Variants in DOCK5 observed in about 807,000 individuals in gnomAD.
DOCK5 encodes the protein dedicator of cytokinesis protein 5.
Under a neutral mutation model 251.8 loss-of-function variants are expected in DOCK5, and 142 were observed. The observed-to-expected ratio is 0.56, with a 90% CI of 0.49 to 0.65. DOCK5 has a LOEUF of 0.65. Ranked by LOEUF, DOCK5 falls within the 30% of genes least tolerant of loss-of-function variation. DOCK5 has a pLI of 0.00. For synonymous variants in DOCK5, 842 were observed against 835.5 expected (o/e 1.01, Z -0.13); for missense variants, 2,111 against 2,312.3 (o/e 0.91, Z 1.79).
intron 1 of DOCK5, among the ~76,000 whole-genome samples, chr8:25,235,413 A>T (rs1425238962): frequency 6.6e-6 from 1 of 152,036 alleles, no homozygotes; most frequent in Non-Finnish European, 1.5e-5. Context: ...GGCACACACC[A>T]TTATGCCTGG....
At chr8:25,242,378 T>C (rs1354470779) in intron 1 of DOCK5, among the ~76,000 whole-genome samples, 1 of 152,206 alleles carries the variant, frequency 6.6e-6, no homozygotes, top group African/African-American at 2.4e-5. Flanking sequence ...TGTTTAACTT[T>C]TTGAGAAGTT....
At chr8:25,279,489 C>T (rs778717142) in intron 5 of DOCK5, among the ~76,000 whole-genome samples, 85 of 149,928 alleles carry the variant, frequency 5.7e-4, no homozygotes, top group African/African-American at 1.8e-3. Flanking sequence ...TTTTTTGAGA[C>T]GGAGTCTCAC....
At position 25,380,337 on chromosome 8, in the gene DOCK5, GT is replaced by G; in HGVS notation, c.3971del (p.Leu1324TrpfsTer19). ...AGAAGGCCATCAAGCTGAGCAAAGAGTTGGCTGAGACTTACGAAAGCAAAGT... is the reference window on the plus strand; with the variant it reads ...AGAAGGCCATCAAGCTGAGCAAAGAGTGGCTGAGACTTACGAAAGCAAAGT... ...WEKAIKLSKE[L>X]AETYESKVFD... On this transcript the variant is annotated frameshift_variant, in exon 39 of 52. Coordinates refer to ENST00000276440, the MANE Select transcript of DOCK5 (RefSeq NM_024940.8). LOFTEE classifies it high-confidence loss of function. 1 of 1,612,284 alleles carries G rather than the reference GT, an allele frequency of 6.2e-7. No individual in the cohort carries two copies. The highest frequency in any genetic ancestry group is 8.5e-7 in the Non-Finnish European group (1 of 1,179,158).
At chr8:25,222,210 T>G (rs1802409812) in intron 1 of DOCK5, among the ~76,000 whole-genome samples, 1 of 152,198 alleles carries the variant, frequency 6.6e-6, no homozygotes, top group Admixed American at 6.5e-5. Context: ...ATGCTTTGGT[T>G]TGCTTTCTAG....
chr8:25,389,230 A>C lies in DOCK5; in HGVS notation c.4271A>C (p.Gln1424Pro), dbSNP rs1487437990. ...GAAGACATCAAGTCGTCCCCCAAGC[A>C]GTGTATCCTTTCCGGGGGGAGTATG... ...PGEDIKSSPK[Q>P]YMQCFTVKPV... The change falls in exon 41 of 52, where the codon CAG (glutamine) becomes CCG (proline). Residue 1424 changes from glutamine (Q) to proline (P), a missense_variant and splice_region_variant. Gln to Pro is a moderately conservative substitution (Grantham distance 76). Around this residue, in one of 3 missense-constraint regions of DOCK5, gnomAD observed 1,717 missense variants for 1,892.4 expected, o/e 0.91. Transcript: ENST00000276440. The C allele has an allele frequency of 3.7e-6, 6 of 1,613,114 alleles. No individual in the cohort carries two copies. Among genetic ancestry groups the C allele is most frequent in the Non-Finnish European group, 5.1e-6 (6 of 1,179,292 alleles).
At chr8:25,408,201 C>CA in intron 49 of DOCK5, 47 bp downstream of exon 49, 2 of 1,527,414 alleles carry the variant, frequency 1.3e-6, no homozygotes, top group Non-Finnish European at 1.8e-6. Context: ...GCTTGCCCCC[C>CA]TCTCCCCTGT....
rs776351917 is a variant in DOCK5 at position 25,407,980 on chromosome 8, T to C, written c.5094-3T>C. 334 of 1,609,460 alleles carry C rather than the reference T, an allele frequency of 2.1e-4. 2 individuals are homozygous for C. Among genetic ancestry groups the C allele is most frequent in the Non-Finnish European group, 2.8e-5 (33 of 1,178,192 alleles). On this transcript the variant is annotated splice_polypyrimidine_tract_variant and splice_region_variant and intron_variant, in intron 48 of 51. Transcript: ENST00000276440. ...GATGTTTGTCCTTGTTCCTGGCCAATAGCTCAATCTTGGAGCCACTTTTGG... is the reference window on the plus strand; with the variant it reads ...GATGTTTGTCCTTGTTCCTGGCCAACAGCTCAATCTTGGAGCCACTTTTGG...
intron 22 of DOCK5, among the ~76,000 whole-genome samples, chr8:25,338,394 C>T (rs1363692569): frequency 3.3e-5 from 5 of 152,018 alleles, no homozygotes; most frequent in Non-Finnish European, 7.4e-5. Flanking sequence ...TTTATTTTTT[C>T]ATTCTTTATG....
chr8:25,217,032 C>T (rs1446220831), intron 1 of DOCK5, among the ~76,000 whole-genome samples: 1 of 141,934 alleles, frequency 7.0e-6, no homozygotes, highest in Non-Finnish European at 1.5e-5. Context: ...TAGATGTATA[C>T]AATATGTGTA....
chr8:25,372,483 C>CCTGGTCAGTG (rs1320374188), intron 34 of DOCK5, 76 bp from the exon 35 acceptor site: 16 of 1,435,990 alleles, frequency 1.1e-5, no homozygotes, highest in South Asian at 1.6e-5. Flanking sequence ...CTGCTGAGAC[C>CCTGGTCAGTG]CTGGTCAGTG....
chr8:25,347,140 C>G (rs1049621189), intron 26 of DOCK5, among the ~76,000 whole-genome samples: 2 of 152,206 alleles, frequency 1.3e-5, no homozygotes, highest in African/African-American at 4.8e-5. Context: ...TACACCTTTT[C>G]CCATAGCTAA....
At chr8:25,323,972 C>T in intron 17 of DOCK5, 21 bp downstream of exon 17, 1 of 1,582,734 alleles carries the variant, frequency 6.3e-7, no homozygotes, top group Non-Finnish European at 8.6e-7. Flanking sequence ...CAGAAAATGG[C>T]TGAGAAAAAT....
intron 29 of DOCK5, 69 bp downstream of exon 29, chr8:25,363,210 A>C (rs1586363969): frequency 7.8e-7 from 1 of 1,283,588 alleles, no homozygotes; most frequent in East Asian, 2.3e-5. Context: ...GAACTTTGGG[A>C]AATGTCTTTA....
chr8:25,354,294 G>C (rs1364497535), intron 27 of DOCK5, among the ~76,000 whole-genome samples: 1 of 151,988 alleles, frequency 6.6e-6, no homozygotes, highest in African/African-American at 2.4e-5. Flanking sequence ...TTTAAGAAAA[G>C]ACAATGTACC....
rs112885829 is a variant in DOCK5, at chr8:25,191,350, A to G, written c.43+6399A>G. Reference sequence around the variant, plus strand: ...TGCCTATAGTGAAGTCAGACATTAAAGAGACTTCCAAATATGCAAAACAAA... The same window carrying G: ...TGCCTATAGTGAAGTCAGACATTAAGGAGACTTCCAAATATGCAAAACAAA... On this transcript the variant is annotated intron_variant, in intron 1 of 51. Transcript: ENST00000276440. Among the ~76,000 whole-genome samples, 368 of 152,358 alleles carry G rather than the reference A, an allele frequency of 2.4e-3. 1 individual carries two copies. The highest frequency in any genetic ancestry group is 8.5e-3 in the African/African-American group (353 of 41,582).
Position 25,278,572 on chromosome 8 carries a change from G to A in DOCK5, c.228G>A (p.Gln76=). 2 of 1,613,950 alleles carry A rather than the reference G, an allele frequency of 1.2e-6. No individual in the cohort carries two copies. The highest frequency in any genetic ancestry group is 8.5e-7 in the Non-Finnish European group (1 of 1,179,856). The part of the protein sequence containing the change: ...LKEATVEDLG[Q]HETVIPGELP... ...ACCCTCGTTTGGTTCTTTGTAGGCA[G>A]CATGAAACCGTGATTCCTGGCGAGC... The change falls in exon 5 of 52, where the codon CAG becomes CAA. Residue 76 remains glutamine, a synonymous_variant. Coordinates refer to ENST00000276440, the MANE Select transcript of DOCK5 (RefSeq NM_024940.8).
intron 1 of DOCK5, among the ~76,000 whole-genome samples, chr8:25,199,087 C>T (rs78279159): frequency 0.03 from 4,637 of 152,200 alleles, 99 homozygotes; most frequent in Non-Finnish European, 0.042. Flanking sequence ...TCCTTAGCAC[C>T]GTGGTATTGA....
At position 25,268,853 on chromosome 8, in the gene DOCK5, A is replaced by G; in HGVS notation, c.136A>G (p.Arg46Gly). ...CTCTTTTGCTCTGACAGGTTGGTAC[A>G]GAGGATATACCCTCCAAAATAAATC... ...HILEMYEGWY[R>G]GYTLQNKSKK... Residue 46 changes from arginine to glycine, a missense_variant, in exon 3 of 52, where the codon AGA becomes GGA. Arg to Gly is a moderately radical substitution (Grantham distance 125, BLOSUM62 -2). This residue lies in a region of DOCK5 where 335 missense variants were observed against 324.9 expected (regional missense o/e 1.03). Coordinates refer to ENST00000276440, the MANE Select transcript of DOCK5 (RefSeq NM_024940.8). 1 of 1,571,834 alleles carries G rather than the reference A, an allele frequency of 6.4e-7. No homozygotes were observed. The highest frequency in any genetic ancestry group is 1.4e-5 in the African/African-American group (1 of 73,396).
chr8:25,246,668 G>T (rs1259008472), intron 2 of DOCK5, among the ~76,000 whole-genome samples: 1 of 142,090 alleles, frequency 7.0e-6, no homozygotes, highest in African/African-American at 2.7e-5. Context: ...GTCTCTTTCA[G>T]ATTTTGACCT....
Sources: gnomAD v4.1 joint callset for allele counts (sites outside exome capture counted in the v4.1 genomes callset) on GRCh38, gnomAD v4.1.1 for gene constraint, gnomAD v4.1.1 regional missense constraint, MANE v1.5 for transcripts, NCBI Gene and HGNC (gene_info 2026-07-23, HGNC 2026-07-21) for gene names.